The following CCDC170 variants were observed in gnomAD, a reference collection of about 807,000 sequenced individuals.
CCDC170 encodes the protein coiled-coil domain-containing protein 170.
A neutral mutation model predicts 72.6 loss-of-function variants in CCDC170; 69 were observed. The ratio of observed to expected loss-of-function variants is 0.95; its 90% CI spans 0.78 to 1.16. CCDC170 has a LOEUF of 1.16. CCDC170 is among the 50% of genes most tolerant of loss of function. CCDC170 has a pLI of 0.00. For missense variants in CCDC170, 852 were observed against 832.5 expected, an observed-to-expected ratio of 1.02 and a Z score of -0.29; for synonymous variants, 300 against 303.9, an observed-to-expected ratio of 0.99 and a Z score of 0.13.
chr6:151,591,549 C>A (rs147926115), intron 7 of CCDC170, among the ~76,000 whole-genome samples: 2 of 151,680 alleles, frequency 1.3e-5, no homozygotes, highest in African/African-American at 4.8e-5. Context: ...GGCTGGAGTG[C>A]GGTGGTGCAA....
chr6:151,606,599 G>A (rs1366013309), intron 9 of CCDC170, among the ~76,000 whole-genome samples: 2 of 152,190 alleles, frequency 1.3e-5, no homozygotes, highest in Non-Finnish European at 2.9e-5. Context: ...TTCTGCAGTA[G>A]TTGAATGAAA....
chr6:151,612,551 G>A (rs960281898), intron 9 of CCDC170, among the ~76,000 whole-genome samples: 2 of 152,076 alleles, frequency 1.3e-5, no homozygotes, highest in African/African-American at 4.8e-5. Context: ...TCTAGGTTTC[G>A]TCAGGAAGGC....
At chr6:151,527,905 G>A (rs17688135) in intron 1 of CCDC170, among the ~76,000 whole-genome samples, 15,015 of 152,010 alleles carry the variant, frequency 0.099, 751 homozygotes, top group Non-Finnish European at 0.11. Flanking sequence ...TTATTTTTTC[G>A]TCCGTGGGAT....
intron 3 of CCDC170, among the ~76,000 whole-genome samples, chr6:151,543,931 G>C (rs1051701509): frequency 6.6e-6 from 1 of 151,986 alleles, no homozygotes; most frequent in Non-Finnish European, 1.5e-5. Context: ...GTAAACATGG[G>C]GGTTCAGACA....
intron 9 of CCDC170, among the ~76,000 whole-genome samples, chr6:151,597,692 C>T (rs927139194): frequency 4.6e-5 from 7 of 152,152 alleles, no homozygotes; most frequent in Non-Finnish European, 7.3e-5. Flanking sequence ...CAACTTCTAA[C>T]GAAGGCAGAG....
chr6:151,568,441 G>GTGTGCA (rs1776170601), intron 5 of CCDC170, among the ~76,000 whole-genome samples: 1 of 152,176 alleles, frequency 6.6e-6, no homozygotes, highest in South Asian at 2.1e-4. Context: ...GGGAATGGGT[G>GTGTGCA]TGTGCATGTG....
chr6:151,531,079 T>C (rs1299328214), intron 1 of CCDC170, among the ~76,000 whole-genome samples: 1 of 152,244 alleles, frequency 6.6e-6, no homozygotes, highest in Non-Finnish European at 1.5e-5. Context: ...GCATTGCTTT[T>C]GTGCTTAGAA....
chr6:151,608,262 T>G (rs1776815847), intron 9 of CCDC170, among the ~76,000 whole-genome samples: 1 of 152,190 alleles, frequency 6.6e-6, no homozygotes, highest in East Asian at 1.9e-4. Flanking sequence ...TTTATTTCAT[T>G]GAGTTTCCTT....
At chr6:151,504,301 GA>G (rs201143262) in intron 1 of CCDC170, among the ~76,000 whole-genome samples, 8 of 150,756 alleles carry the variant, frequency 5.3e-5, no homozygotes, top group East Asian at 1.9e-4. Flanking sequence ...AAATAAAAAT[GA>G]AAAAAAAATT....
chr6:151,583,777 AAAAC>A (rs1776412368), intron 6 of CCDC170, among the ~76,000 whole-genome samples: 1 of 152,184 alleles, frequency 6.6e-6, no homozygotes, highest in Non-Finnish European at 1.5e-5. Flanking sequence ...CTTTCATTTG[AAAAC>A]TTAGAGGCCA....
chr6:151,548,047 G>C (rs1022262978), intron 4 of CCDC170, among the ~76,000 whole-genome samples: 1 of 152,184 alleles, frequency 6.6e-6, no homozygotes, highest in Non-Finnish European at 1.5e-5. Flanking sequence ...TAGCAGGTTT[G>C]CTGATGTGTG....
At chr6:151,591,473 G>A (rs1053860643) in intron 7 of CCDC170, among the ~76,000 whole-genome samples, 1 of 151,738 alleles carries the variant, frequency 6.6e-6, no homozygotes, top group African/African-American at 2.4e-5. Flanking sequence ...GGGGGGAGGT[G>A]TTCATTTAAC....
At position 151,615,637 on chromosome 6, in the gene CCDC170, A is replaced by G. The variant is rs1776953641; in HGVS notation, c.1905A>G (p.Thr635=). 2 of 1,614,124 alleles carry G rather than the reference A, an allele frequency of 1.2e-6. No homozygotes were observed. Residue 635 remains threonine (T), a synonymous_variant, in exon 10 of 11, where the codon ACA becomes ACG. Coordinates refer to ENST00000239374, the MANE Select transcript of CCDC170 (RefSeq NM_025059.4). ...MIEVVTSEMK[T]LKKSLEEAEK... is the part of the protein sequence containing the mutation. ...AAGTGGTAACCAGTGAAATGAAGAC[A>G]CTAAAAAAATCTCTGGAAGAAGCAG...
At chr6:151,503,881 C>T (rs2115019935) in intron 1 of CCDC170, among the ~76,000 whole-genome samples, 1 of 152,224 alleles carries the variant, frequency 6.6e-6, no homozygotes, top group African/African-American at 2.4e-5. Flanking sequence ...GTGTTTTTCT[C>T]AGTGCATTGC....
chr6:151,574,226 T>C (rs2115090900), intron 6 of CCDC170, among the ~76,000 whole-genome samples: 1 of 152,298 alleles, frequency 6.6e-6, no homozygotes, highest in Non-Finnish European at 1.5e-5. Context: ...AAAAGTATAA[T>C]TTAAATGTGG....
chr6:151,552,710 G>A (rs1004619596), intron 5 of CCDC170, among the ~76,000 whole-genome samples: 2 of 149,632 alleles, frequency 1.3e-5, no homozygotes, highest in Non-Finnish European at 3.0e-5. Flanking sequence ...ATCTCTGGCT[G>A]AAGAAGTCAT....
intron 1 of CCDC170, among the ~76,000 whole-genome samples, chr6:151,502,360 C>T (rs2115018897): frequency 6.6e-6 from 1 of 152,320 alleles, no homozygotes. Context: ...GTGGGTCAGT[C>T]TCATAAAAAT....
intron 5 of CCDC170, among the ~76,000 whole-genome samples, chr6:151,560,459 A>G (rs982352280): frequency 6.6e-6 from 1 of 152,178 alleles, no homozygotes; most frequent in African/African-American, 2.4e-5. Flanking sequence ...GCAGTATTCT[A>G]TAGATGTCTG....
chr6:151,559,908 T>A (rs1470784166), intron 5 of CCDC170, among the ~76,000 whole-genome samples: 3 of 136,384 alleles, frequency 2.2e-5, no homozygotes, highest in Non-Finnish European at 3.3e-5. Flanking sequence ...CTTTTTATGT[T>A]GCTCATCCTT....
Sources: gnomAD v4.1 joint callset for allele counts (sites outside exome capture counted in the v4.1 genomes callset) on GRCh38, gnomAD v4.1.1 for gene constraint, MANE v1.5 for transcripts, NCBI Gene and HGNC (gene_info 2026-07-23, HGNC 2026-07-21) for gene names.